RBPJ: variants seen among roughly 807,000 people sequenced by gnomAD.
The protein encoded by RBPJ is recombining binding protein suppressor of hairless.
RBPJ carries 9 observed loss-of-function variants against 67.8 expected under a neutral mutation model. The observed-to-expected ratio is 0.13, with a 90% CI of 0.08 to 0.23. The LOEUF (loss-of-function observed/expected upper bound fraction) is 0.23. RBPJ is among the 10% of genes least tolerant of loss of function. The probability of loss-of-function intolerance (pLI) is 1.00; values close to 1 mark genes in which losing one functional copy is unlikely to be tolerated. For synonymous variants in RBPJ, 198 were observed against 203.3 expected (o/e 0.97, Z 0.22); for missense variants, 305 against 595.6 (o/e 0.51, Z 5.08).
At chr4:26,107,708 G>T in the RBPJ span, among the ~76,000 whole-genome samples, 2 of 152,278 alleles carry the variant, frequency 1.3e-5, no homozygotes, top group African/African-American at 4.8e-5. Context: ...GACCAGCCTG[G>T]CAAACATGGT....
intron 1 of RBPJ, among the ~76,000 whole-genome samples, chr4:26,177,645 GAAGAAAGA>G (rs200205720): frequency 6.6e-6 from 1 of 151,328 alleles, no homozygotes; most frequent in African/African-American, 2.4e-5. Context: ...AGAAAGGAAG[GAAGAAAGA>G]AAGAAAGAGA....
At chr4:26,178,896 A>G (rs934806215) in intron 1 of RBPJ, among the ~76,000 whole-genome samples, 1 of 152,196 alleles carries the variant, frequency 6.6e-6, no homozygotes, top group African/African-American at 2.4e-5. Flanking sequence ...CTTAAAAATA[A>G]ACAAATAAGT....
intron 1 of RBPJ, among the ~76,000 whole-genome samples, chr4:26,305,766 C>CTTTTATTTTTT (rs1722212611): frequency 3.5e-5 from 2 of 57,640 alleles, no homozygotes; most frequent in South Asian, 4.4e-4. Context: ...TTAGAATTTT[C>CTTTTATTTTTT]TTTTCTTTTT....
In RBPJ at chr4:26,428,864, T is replaced by G. The variant is rs1431429959; in HGVS notation, c.888+4T>G. ...AGAAAGAATAATTCAATTTCAGGTA[T>G]GTTTTTAAATTACTGGTGAAATCTA... is the stretch of plus-strand genomic sequence containing the variant. On this transcript the variant is annotated splice_donor_region_variant and intron_variant, in intron 8 of 10. Transcript: ENST00000355476. 2.5e-6 allele frequency: 4 copies of G among 1,595,028 alleles called. No individual in the cohort carries two copies. The highest frequency in any genetic ancestry group is 3.4e-5 in the Admixed American group (2 of 59,508).
In RBPJ at chr4:26,430,349, G is replaced by A; in HGVS notation, c.1045-70G>A. ...AAAAAAACAAATGAAAGTTGAATGA[G>A]AATCTAATTTGTGTACTTTAATGAA... On this transcript the variant is annotated intron_variant, in intron 9 of 10. Coordinates refer to ENST00000355476, the MANE Select transcript of RBPJ (RefSeq NM_015874.6). The surrounding 1 kb of genome is among the most constrained non-coding windows in gnomAD (Gnocchi z 4.1). 8.0e-7 allele frequency: 1 copy of A among 1,257,812 alleles called. No homozygotes were observed. Among genetic ancestry groups the A allele is most frequent in the Non-Finnish European group, 1.1e-6 (1 of 871,322 alleles). The allele number at this position is 1,257,812 out of a possible 1,614,324, so 77.9% of individuals were successfully genotyped here.
chr4:26,107,879 C>A, the RBPJ span, among the ~76,000 whole-genome samples: 1 of 152,172 alleles, frequency 6.6e-6, no homozygotes, highest in Non-Finnish European at 1.5e-5. Flanking sequence ...AGCTGGGCAA[C>A]AGAAAGAGAC....
intron 1 of RBPJ, chr4:26,343,206 C>G (rs185348889): frequency 1.3e-5 from 2 of 152,278 alleles, no homozygotes; most frequent in Admixed American, 6.5e-5. Context: ...ACGGCACAAA[C>G]TGAGAGTTTC....
At chr4:26,268,180 C>T (rs1405819404) in intron 1 of RBPJ, among the ~76,000 whole-genome samples, 1 of 152,092 alleles carries the variant, frequency 6.6e-6, no homozygotes, top group African/African-American at 2.4e-5. Flanking sequence ...TTAGCTTAAA[C>T]TTCCCTCTTT....
At chr4:26,406,616 G>A (rs948533367) in intron 3 of RBPJ, among the ~76,000 whole-genome samples, 4 of 152,202 alleles carry the variant, frequency 2.6e-5, no homozygotes, top group African/African-American at 9.7e-5. Context: ...ACGCATTTGG[G>A]TCATCCTTAC....
intron 1 of RBPJ, among the ~76,000 whole-genome samples, chr4:26,217,442 G>T (rs1422673122): frequency 1.3e-5 from 2 of 151,992 alleles, no homozygotes; most frequent in African/African-American, 4.8e-5. Flanking sequence ...GTGGATGTGA[G>T]GTTGCTGCAA....
intron 1 of RBPJ, among the ~76,000 whole-genome samples, chr4:26,178,038 C>T (rs1360766038): frequency 6.6e-6 from 1 of 152,224 alleles, no homozygotes; most frequent in East Asian, 1.9e-4. Context: ...ATTAGCTACT[C>T]TTGCTGAACA....
upstream of RBPJ, among the ~76,000 whole-genome samples, chr4:26,314,727 A>G (rs530105996): frequency 6.6e-6 from 1 of 152,210 alleles, no homozygotes; most frequent in South Asian, 2.1e-4. Context: ...AGTCTGCGGA[A>G]CCGTGAGCCA....
chr4:26,195,931 T>C (rs1717745397), intron 1 of RBPJ, among the ~76,000 whole-genome samples: 1 of 151,934 alleles, frequency 6.6e-6, no homozygotes, highest in Non-Finnish European at 1.5e-5. Flanking sequence ...CTTTTTAGAG[T>C]GTCGTTATTT....
At chr4:26,394,812 C>G (rs1398716433) in intron 2 of RBPJ, among the ~76,000 whole-genome samples, 1 of 152,192 alleles carries the variant, frequency 6.6e-6, no homozygotes, top group Non-Finnish European at 1.5e-5. Context: ...TCTTAACCTT[C>G]TCCCCTACAA....
At chr4:26,163,721 A>G (rs1716149074) in intron 1 of RBPJ, 1 of 152,232 alleles carries the variant, frequency 6.6e-6, no homozygotes, top group East Asian at 1.9e-4. Flanking sequence ...TGCTACTGCC[A>G]CCTCAAGGGG....
chr4:26,318,265 G>C (rs1057232281), upstream of RBPJ, among the ~76,000 whole-genome samples: 1 of 152,048 alleles, frequency 6.6e-6, no homozygotes, highest in African/African-American at 2.4e-5. Context: ...ACGTGAGCAG[G>C]AAGACACTGG....
chr4:26,349,364 G>A (rs1726559939), intron 1 of RBPJ, among the ~76,000 whole-genome samples: 1 of 152,234 alleles, frequency 6.6e-6, no homozygotes, highest in African/African-American at 2.4e-5. Context: ...GAGCCACAGT[G>A]CCTGGCCAAT....
intron 1 of RBPJ, among the ~76,000 whole-genome samples, chr4:26,185,405 G>A (rs535451653): frequency 6.6e-6 from 1 of 152,224 alleles, no homozygotes; most frequent in Non-Finnish European, 1.5e-5. Context: ...CCACGGTCAG[G>A]GTAATGCGTT....
intron 1 of RBPJ, among the ~76,000 whole-genome samples, chr4:26,330,623 A>G (rs770099164): frequency 3.9e-5 from 6 of 152,240 alleles, no homozygotes; most frequent in East Asian, 3.8e-4. Context: ...TGGAAGCTCA[A>G]TGAAATTCAC....
Sources: gnomAD v4.1 joint callset for allele counts (sites outside exome capture counted in the v4.1 genomes callset) on GRCh38, gnomAD v4.1.1 for gene constraint, Gnocchi (gnomAD v3.1) non-coding constraint, MANE v1.5 for transcripts, NCBI Gene and HGNC (gene_info 2026-07-23, HGNC 2026-07-21) for gene names.